Variants in PIK3C2G observed in about 807,000 individuals in gnomAD.
PIK3C2G encodes the protein phosphatidylinositol-4-phosphate 3-kinase catalytic subunit type 2 gamma, also known as phosphatidylinositol 3-kinase C2 domain-containing subunit gamma.
A neutral mutation model predicts 181.1 loss-of-function variants in PIK3C2G; 168 were observed. The observed-to-expected ratio is 0.93, with a 90% confidence interval of 0.82 to 1.05. The LOEUF (loss-of-function observed/expected upper bound fraction) is 1.05, where lower values mean the gene tolerates loss of function less well. PIK3C2G is among the 50% of genes least tolerant of loss of function. The pLI, the probability that PIK3C2G is intolerant of heterozygous loss-of-function variation, is 0.00. For missense variants in PIK3C2G, 1,869 were observed against 1,732.8 expected, an observed-to-expected ratio of 1.08 and a Z score of -1.40; for synonymous variants, 573 against 592.2, an observed-to-expected ratio of 0.97 and a Z score of 0.47.
intron 26 of PIK3C2G, among the ~76,000 whole-genome samples, chr12:18,555,133 C>T (rs557652479): frequency 1.3e-5 from 2 of 152,012 alleles, no homozygotes; most frequent in Admixed American, 6.6e-5. Context: ...AAGAGACTGA[C>T]CATTGAAACA....
chr12:18,666,155 C>A, the PIK3C2G span, among the ~76,000 whole-genome samples: 1 of 150,758 alleles, frequency 6.6e-6, no homozygotes, highest in African/African-American at 2.4e-5. Context: ...ATATCTAACA[C>A]AAAAGAAAAA....
In PIK3C2G at chr12:18,533,461, T is replaced by C. The variant is rs1247943318; in HGVS notation, c.3324-4695T>C. On this transcript the variant is annotated intron_variant, in intron 24 of 32. Transcript: ENST00000538779. ...GCTTTTAAGTCTTCCCACTTCTCTGTTATCTGTATGCCACAACTCTAATCT... is the reference window on the plus strand; with the variant it reads ...GCTTTTAAGTCTTCCCACTTCTCTGCTATCTGTATGCCACAACTCTAATCT... 4.6e-5 allele frequency among the ~76,000 whole-genome samples: 7 copies of C among 152,246 alleles called. No individual in the cohort carries two copies. In the East Asian group the frequency reaches 1.2e-3, roughly 25 times the overall value.
chr12:18,280,785 G>T (rs934927081), intron 1 of PIK3C2G, among the ~76,000 whole-genome samples: 2 of 151,978 alleles, frequency 1.3e-5, no homozygotes, highest in Admixed American at 1.3e-4. Context: ...AATGGAAAAG[G>T]AGTCCCAGAG....
intron 1 of PIK3C2G, among the ~76,000 whole-genome samples, chr12:18,252,930 A>AC (rs1408997632): frequency 6.6e-6 from 1 of 152,142 alleles, no homozygotes; most frequent in Non-Finnish European, 1.5e-5. Context: ...ATAAATTTGG[A>AC]CAGTGACTGT....
At chr12:18,392,598 C>T (rs574065377) in intron 15 of PIK3C2G, among the ~76,000 whole-genome samples, 34 of 148,448 alleles carry the variant, frequency 2.3e-4, no homozygotes, top group Admixed American at 8.7e-4. Flanking sequence ...CTCAAAAAGT[C>T]CTTCTTTGGC....
At chr12:18,725,555 C>A in the PIK3C2G span, among the ~76,000 whole-genome samples, 1 of 152,104 alleles carries the variant, frequency 6.6e-6, no homozygotes, top group African/African-American at 2.4e-5. Flanking sequence ...AATTGCAAAT[C>A]TGACCATCTC....
intron 30 of PIK3C2G, among the ~76,000 whole-genome samples, chr12:18,601,382 A>G (rs1843175204): frequency 2.0e-5 from 3 of 152,148 alleles, no homozygotes; most frequent in Admixed American, 2.0e-4. Flanking sequence ...GTTCAACACC[A>G]TATATTTTCA....
At chr12:18,301,804 A>C (rs568031875) in intron 5 of PIK3C2G, among the ~76,000 whole-genome samples, 2 of 152,236 alleles carry the variant, frequency 1.3e-5, no homozygotes, top group East Asian at 3.9e-4. Context: ...CTTTACACAA[A>C]ATATATATGC....
chr12:18,447,334 G>T (rs894258812), intron 18 of PIK3C2G, among the ~76,000 whole-genome samples: 1 of 152,170 alleles, frequency 6.6e-6, no homozygotes, highest in Non-Finnish European at 1.5e-5. Context: ...AACCATGACA[G>T]ATTTTTGTCC....
chr12:18,465,544 A>G (rs188077444), intron 18 of PIK3C2G, among the ~76,000 whole-genome samples: 2 of 151,858 alleles, frequency 1.3e-5, no homozygotes, highest in East Asian at 3.9e-4. Flanking sequence ...GTTCATATTC[A>G]TTTTTGAAAG....
In PIK3C2G at chr12:18,282,021, T is replaced by G. The variant is rs534888298; in HGVS notation, c.-61T>G. ...TTTTCTAGGAAAATTTCTATCTTCT[T>G]TTGTATTATCAAGGAGATATTTGGA... is the stretch of plus-strand genomic sequence containing the variant. On this transcript the variant is annotated 5_prime_UTR_variant, in exon 2 of 33. Coordinates refer to ENST00000538779, the MANE Select transcript of PIK3C2G (RefSeq NM_001288772.2). 1 of 949,438 alleles carries G rather than the reference T, an allele frequency of 1.1e-6. No homozygotes were observed. Among genetic ancestry groups the G allele is most frequent in the African/African-American group, 1.7e-5 (1 of 60,064 alleles). The allele number at this position is 949,438 out of a possible 1,614,324, so 58.8% of individuals were successfully genotyped here.
At chr12:18,703,198 T>C in the PIK3C2G span, among the ~76,000 whole-genome samples, 1 of 152,188 alleles carries the variant, frequency 6.6e-6, no homozygotes, top group African/African-American at 2.4e-5. Flanking sequence ...TCCACCACAA[T>C]TGAACACATT....
At chr12:18,599,854 TAA>T (rs1947612431) in intron 30 of PIK3C2G, among the ~76,000 whole-genome samples, 1 of 151,864 alleles carries the variant, frequency 6.6e-6, no homozygotes. Context: ...TTGAATTAAA[TAA>T]GAGAATTTTA....
At chr12:18,442,154 A>G (rs1432202437) in intron 18 of PIK3C2G, among the ~76,000 whole-genome samples, 1 of 152,136 alleles carries the variant, frequency 6.6e-6, no homozygotes, top group Admixed American at 6.6e-5. Flanking sequence ...TTTTGCATCA[A>G]TGATATTTAA....
the PIK3C2G span, among the ~76,000 whole-genome samples, chr12:18,705,823 G>A: frequency 1.3e-5 from 2 of 151,946 alleles, no homozygotes; most frequent in Non-Finnish European, 2.9e-5. Flanking sequence ...CCGAGGTTGC[G>A]CCATTGCATT....
chr12:18,292,210 C>CAAAAAAAAAAAAAA (rs745371375), intron 4 of PIK3C2G, among the ~76,000 whole-genome samples: 4 of 28,610 alleles, frequency 1.4e-4, no homozygotes, highest in Non-Finnish European at 1.9e-4. Flanking sequence ...AACTCCATCT[C>CAAAAAAAAAAAAAA]AAAAAAAAAA....
chr12:18,552,448 A>T (rs79371635), intron 26 of PIK3C2G, among the ~76,000 whole-genome samples: 6,839 of 152,182 alleles, frequency 0.045, 350 homozygotes, highest in African/African-American at 0.13. Context: ...TTCCACAAAT[A>T]AGAGCCAATG....
At chr12:18,267,116 CT>C (rs1287668074) in intron 1 of PIK3C2G, among the ~76,000 whole-genome samples, 1 of 151,994 alleles carries the variant, frequency 6.6e-6, no homozygotes, top group Non-Finnish European at 1.5e-5. Context: ...CTTTCTCTCA[CT>C]TGTTCCTCTT....
intron 30 of PIK3C2G, among the ~76,000 whole-genome samples, chr12:18,603,684 C>T (rs1592695135): frequency 6.6e-6 from 1 of 152,094 alleles, no homozygotes; most frequent in Non-Finnish European, 1.5e-5. Context: ...CAGCAAAAAC[C>T]CTACAAGCTA....
Sources: gnomAD v4.1 joint callset for allele counts (sites outside exome capture counted in the v4.1 genomes callset) on GRCh38, gnomAD v4.1.1 for gene constraint, MANE v1.5 for transcripts, NCBI Gene and HGNC (gene_info 2026-07-23, HGNC 2026-07-21) for gene names.